Variants in TLN2 observed in about 807,000 individuals in gnomAD.
TLN2 encodes talin 2.
TLN2 carries 118 observed loss-of-function variants against 294.7 expected under a neutral mutation model. That is an observed-to-expected ratio of 0.40 (90% CI 0.34 to 0.47). The LOEUF is 0.47. TLN2 is among the 20% of genes least tolerant of loss of function. The pLI is 0.84. For missense variants in TLN2, 3,083 were observed against 3,282.2 expected (o/e 0.94, Z 1.48); for synonymous variants, 1,431 against 1,304.5 (o/e 1.10, Z -2.09).
intron 19 of TLN2, among the ~76,000 whole-genome samples, chr15:62,705,504 T>G (rs1884789796): frequency 6.6e-6 from 1 of 152,206 alleles, no homozygotes; most frequent in South Asian, 2.1e-4. Flanking sequence ...TGTATTTTTT[T>G]GGACAAAATT....
At chr15:62,658,184 C>CAAA in intron 9 of TLN2, 1 of 59,972 alleles carries the variant, frequency 1.7e-5, no homozygotes. Context: ...AAAAAAAAAA[C>CAAA]CAAAAAAAAA....
At chr15:62,764,201 T>C (rs1278333243) in intron 40 of TLN2, among the ~76,000 whole-genome samples, 1 of 152,232 alleles carries the variant, frequency 6.6e-6, no homozygotes, top group Admixed American at 6.5e-5. Context: ...TATTATTAAT[T>C]TAAAGCCACT....
intron 1 of TLN2, among the ~76,000 whole-genome samples, chr15:62,522,762 C>T (rs371496231): frequency 2.0e-5 from 3 of 151,212 alleles, no homozygotes; most frequent in Middle Eastern, 3.4e-3. Context: ...GAGGACAGGA[C>T]GACTCCCAGG....
chr15:62,665,814 A>G (rs2054561233), intron 9 of TLN2, among the ~76,000 whole-genome samples: 1 of 152,146 alleles, frequency 6.6e-6, no homozygotes. Flanking sequence ...GGAGTTGGTC[A>G]TCTGTGTGTG....
At chr15:62,631,521 C>CCT (rs2049843930) in intron 3 of TLN2, among the ~76,000 whole-genome samples, 1 of 49,768 alleles carries the variant, frequency 2.0e-5, no homozygotes, top group Non-Finnish European at 4.0e-5. Context: ...TTTCTTTCTT[C>CCT]CTTTCCTTTC....
intron 32 of TLN2, among the ~76,000 whole-genome samples, chr15:62,741,485 C>T (rs924059877): frequency 1.3e-5 from 2 of 152,106 alleles, no homozygotes; most frequent in Non-Finnish European, 2.9e-5. Flanking sequence ...AGGGGGTTCT[C>T]GTATCAGCAG....
At position 62,631,523 on chromosome 15, in the gene TLN2, TTTCCTTTCCTTTCCTTTCCTTTCCA is replaced by T. The variant is rs1411807789; in HGVS notation, c.-37+13073_-37+13097del. On this transcript the variant is annotated intron_variant, in intron 3 of 58. Coordinates refer to ENST00000636159, the MANE Select transcript of TLN2 (RefSeq NM_015059.3). ...CCTCTTTTCTTTCTTTCTTTCTTCC[TTTCCTTTCCTTTCCTTTCCTTTCCA>T]TTCCTTTCCTTTCCTTTCCTTTCCT... is the stretch of plus-strand genomic sequence containing the variant. 7.2e-3 allele frequency among the ~76,000 whole-genome samples: 397 copies of T among 55,208 alleles called. 3 individuals carry two copies. Among genetic ancestry groups the T allele is most frequent in the African/African-American group, 0.031 (357 of 11,486 alleles). 36.2% of individuals were successfully genotyped at this position (55,208 alleles called of 152,430 possible).
intron 48 of TLN2, among the ~76,000 whole-genome samples, chr15:62,799,418 C>A (rs2065768920): frequency 6.6e-6 from 1 of 152,116 alleles, no homozygotes; most frequent in Non-Finnish European, 1.5e-5. Context: ...TGTGTAATTC[C>A]CATCTAGACC....
intron 1 of TLN2, among the ~76,000 whole-genome samples, chr15:62,546,415 T>G (rs1453811363): frequency 6.6e-6 from 1 of 152,228 alleles, no homozygotes; most frequent in Non-Finnish European, 1.5e-5. Context: ...AGCAACTATT[T>G]GGATTCAGCC....
chr15:62,803,762 T>C (rs2066087594), intron 50 of TLN2, among the ~76,000 whole-genome samples: 1 of 152,240 alleles, frequency 6.6e-6, no homozygotes, highest in Non-Finnish European at 1.5e-5. Context: ...GAATTCTTTG[T>C]CTGAAAGGTC....
rs748831689 is a variant in TLN2 at position 62,675,087 on chromosome 15, C to G, written c.853-130C>G. The G allele has an allele frequency of 2.8e-5, 23 of 814,860 alleles. No homozygotes were observed. In the Middle Eastern group the frequency reaches 6.9e-4, roughly 25 times the overall value. The allele number at this position is 814,860 out of a possible 1,614,324, so 50.5% of individuals were successfully genotyped here. On this transcript the variant is annotated intron_variant, in intron 10 of 58. Coordinates refer to ENST00000636159, the MANE Select transcript of TLN2 (RefSeq NM_015059.3). Reference sequence around the variant, plus strand: ...GCAGTTGCCTGTGTCATGGAGGGGTCTCAGACACAACCATCACTTAATGAT... The same window carrying G: ...GCAGTTGCCTGTGTCATGGAGGGGTGTCAGACACAACCATCACTTAATGAT...
At chr15:62,528,047 T>C (rs2040834779) in intron 1 of TLN2, among the ~76,000 whole-genome samples, 1 of 152,246 alleles carries the variant, frequency 6.6e-6, no homozygotes, top group Non-Finnish European at 1.5e-5. Context: ...GTGAGTTTTC[T>C]TAGTTTTAAA....
chr15:62,776,999 C>A lies in TLN2; in HGVS notation c.5514+89C>A, dbSNP rs1214194171. The A allele has an allele frequency of 6.6e-6, 8 of 1,207,674 alleles. No individual in the cohort carries two copies. The Admixed American group carries it at 2.7e-4, about 40-fold the overall frequency. The allele number at this position is 1,207,674 out of a possible 1,614,324, so 74.8% of individuals were successfully genotyped here. A position where few individuals can be genotyped will look rare whatever the true frequency, so the allele number is the denominator to read the frequency against. On this transcript the variant is annotated intron_variant, in intron 43 of 58. Transcript: ENST00000636159. ...TTCTCTAAGCTGTCAAGGCTCATAG[C>A]AACAAGCCTCTTCTTTTCTTGAAGG...
intron 2 of TLN2, among the ~76,000 whole-genome samples, chr15:62,603,648 G>A (rs1021832583): frequency 3.9e-5 from 6 of 152,044 alleles, no homozygotes; most frequent in Admixed American, 6.6e-5. Context: ...ATGTATATAC[G>A]AGGTGACTCC....
intron 46 of TLN2, 53 bp downstream of exon 46, chr15:62,792,840 G>C (rs760821401): frequency 1.6e-5 from 26 of 1,602,400 alleles, no homozygotes; most frequent in Non-Finnish European, 2.1e-5. Context: ...GGCTCTCAGT[G>C]ATCCGCTGTA....
At chr15:62,416,287 A>C (rs2034079032) in intron 1 of TLN2, among the ~76,000 whole-genome samples, 1 of 152,154 alleles carries the variant, frequency 6.6e-6, no homozygotes, top group South Asian at 2.1e-4. Context: ...ACAGAGCAAG[A>C]CTCTATCTCA....
chr15:62,562,965 C>CAG (rs1210084198), intron 1 of TLN2, among the ~76,000 whole-genome samples: 1 of 134,794 alleles, frequency 7.4e-6, no homozygotes, highest in African/African-American at 2.8e-5. Flanking sequence ...CACACACACA[C>CAG]ACACACCAGT....
At chr15:62,451,971 G>A (rs2036178936) in intron 1 of TLN2, among the ~76,000 whole-genome samples, 1 of 152,144 alleles carries the variant, frequency 6.6e-6, no homozygotes, top group Non-Finnish European at 1.5e-5. Flanking sequence ...GTGTGTGTGT[G>A]TACGTGTTGA....
chr15:62,604,313 C>T (rs1315134877), intron 2 of TLN2, among the ~76,000 whole-genome samples: 1 of 151,834 alleles, frequency 6.6e-6, no homozygotes, highest in African/African-American at 2.4e-5. Context: ...CCTAGGAGTT[C>T]GAGACCATCC....
Sources: allele counts gnomAD v4.1 joint callset (sites outside exome capture counted in the v4.1 genomes callset), GRCh38; gene constraint gnomAD v4.1.1; transcripts MANE v1.5; gene names NCBI Gene and HGNC (gene_info 2026-07-23, HGNC 2026-07-21).